The following INPP5D variants were observed in gnomAD, a reference collection of about 807,000 sequenced individuals.
INPP5D encodes the protein inositol polyphosphate-5-phosphatase D.
INPP5D carries 33 observed loss-of-function variants against 122.9 expected under a neutral mutation model. The ratio of observed to expected loss-of-function variants is 0.27; its 90% confidence interval spans 0.20 to 0.36. INPP5D has a LOEUF of 0.36. Among genes scored for constraint, INPP5D ranks in the 10% least tolerant of loss-of-function variants. INPP5D has a pLI of 1.00. For synonymous variants in INPP5D, 584 were observed against 576.2 expected (o/e 1.01, Z -0.19); for missense variants, 1,053 against 1,412.7 (o/e 0.75, Z 4.08).
At chr2:233,162,382 T>TATATATACATATGCTAA (rs1232758242) in intron 11 of INPP5D, among the ~76,000 whole-genome samples, 4 of 151,882 alleles carry the variant, frequency 2.6e-5, no homozygotes, top group African/African-American at 4.8e-5. Flanking sequence ...GAATATATAG[T>TATATATACATATGCTAA]ATATATACAT....
chr2:233,177,436 T>G lies in INPP5D; in HGVS notation c.2071+90T>G. Reference sequence around the variant, plus strand: ...CTGCCCTAAAATCTAAGGGCTTCAGTCTGTTGATGTGTCAAAGGGAGGAAT... The same window carrying G: ...CTGCCCTAAAATCTAAGGGCTTCAGGCTGTTGATGTGTCAAAGGGAGGAAT... On this transcript the variant is annotated intron_variant, in intron 18 of 26. Coordinates refer to ENST00000445964, the MANE Select transcript of INPP5D (RefSeq NM_001017915.3). This position sits in a 1 kb window ranked among gnomAD's most constrained non-coding sequence, Gnocchi z 4.2. 3.1e-6 allele frequency: 5 copies of G among 1,601,252 alleles called. No homozygotes were observed. The highest frequency in any genetic ancestry group is 4.3e-6 in the Non-Finnish European group (5 of 1,170,718).
rs1694668782 is a variant in INPP5D at position 233,177,440 on chromosome 2, T to C, written c.2071+94T>C. 4 of 1,598,324 alleles carry C rather than the reference T, an allele frequency of 2.5e-6. No homozygotes were observed. The highest frequency in any genetic ancestry group is 3.4e-6 in the Non-Finnish European group (4 of 1,168,902). ...CCTAAAATCTAAGGGCTTCAGTCTGTTGATGTGTCAAAGGGAGGAATTCAC... is the reference window on the plus strand; with the variant it reads ...CCTAAAATCTAAGGGCTTCAGTCTGCTGATGTGTCAAAGGGAGGAATTCAC... On this transcript the variant is annotated intron_variant, in intron 18 of 26. Coordinates refer to ENST00000445964, the MANE Select transcript of INPP5D (RefSeq NM_001017915.3). This position sits in a 1 kb window ranked among gnomAD's most constrained non-coding sequence, Gnocchi z 4.2.
chr2:233,077,157 C>G (rs1026742396), intron 1 of INPP5D, among the ~76,000 whole-genome samples: 2 of 151,972 alleles, frequency 1.3e-5, no homozygotes, highest in Admixed American at 1.3e-4. Flanking sequence ...TTTCAGAAAA[C>G]GGTATACATA....
In INPP5D at chr2:233,204,621, G is replaced by GGGCCGCGAC. The variant is rs762797938; in HGVS notation, c.3472_3480dup (p.Gly1158_Asp1160dup). The GGGCCGCGAC allele has an allele frequency of 6.3e-7, 1 of 1,578,906 alleles. No homozygotes were observed. Among genetic ancestry groups the GGGCCGCGAC allele is most frequent in the South Asian group, 1.2e-5 (1 of 86,594 alleles). On this transcript the variant is annotated inframe_insertion, in exon 26 of 27. Transcript: ENST00000445964. ...CGGTGCTGCACCTCCAGCACTCCAA[G>GGGCCGCGAC]GGCCGCGACTACCGCGACAACACCG... is the stretch of plus-strand genomic sequence containing the variant.
intron 1 of INPP5D, among the ~76,000 whole-genome samples, chr2:233,075,105 C>T (rs1691484714): frequency 6.6e-6 from 1 of 152,212 alleles, no homozygotes; most frequent in African/African-American, 2.4e-5. Context: ...CCTCCACACT[C>T]AGCACAGGGT....
At chr2:233,172,995 G>A (rs1694529952) in intron 17 of INPP5D, among the ~76,000 whole-genome samples, 1 of 152,204 alleles carries the variant, frequency 6.6e-6, no homozygotes, top group Non-Finnish European at 1.5e-5. Context: ...GATCACTTGA[G>A]GTTAGGAGTT....
chr2:233,143,352 G>A (rs1390845929), intron 6 of INPP5D, among the ~76,000 whole-genome samples: 1 of 152,188 alleles, frequency 6.6e-6, no homozygotes, highest in Non-Finnish European at 1.5e-5. Flanking sequence ...GAGAGCCGGT[G>A]GGGGGCGGGG....
At chr2:233,161,907 G>C in intron 11 of INPP5D, 81 bp downstream of exon 11, 1 of 1,523,320 alleles carries the variant, frequency 6.6e-7, no homozygotes, top group Non-Finnish European at 8.8e-7. Flanking sequence ...GTGGGGTGGA[G>C]TGACGACATC....
chr2:233,139,412 A>G (rs1031420583), intron 5 of INPP5D, among the ~76,000 whole-genome samples: 6 of 152,098 alleles, frequency 3.9e-5, no homozygotes, highest in African/African-American at 1.2e-4. Context: ...AATATTTAAA[A>G]TGCAGATTCT....
At chr2:233,187,460 T>G (rs934120757) in intron 21 of INPP5D, among the ~76,000 whole-genome samples, 3 of 152,136 alleles carry the variant, frequency 2.0e-5, no homozygotes, top group Admixed American at 1.3e-4. Context: ...AGGACAGTCT[T>G]AAGCAGGCAG....
chr2:233,151,410 G>T (rs1693921127), intron 9 of INPP5D, among the ~76,000 whole-genome samples: 1 of 152,050 alleles, frequency 6.6e-6, no homozygotes, highest in South Asian at 2.1e-4. Context: ...CACTCTCCGG[G>T]AATGTGCCCA....
At chr2:233,124,655 C>G (rs375094267) in intron 3 of INPP5D, among the ~76,000 whole-genome samples, 1 of 152,240 alleles carries the variant, frequency 6.6e-6, no homozygotes, top group African/African-American at 2.4e-5. Flanking sequence ...AGAAGCTGTT[C>G]TGCAGAAACG....
At chr2:233,072,039 A>T (rs1233970211) in intron 1 of INPP5D, among the ~76,000 whole-genome samples, 1 of 152,226 alleles carries the variant, frequency 6.6e-6, no homozygotes, top group Non-Finnish European at 1.5e-5. Context: ...TTTCTAAAAC[A>T]CTACAGTGGG....
Position 233,060,459 on chromosome 2 carries a change from C to G in INPP5D, c.-20C>G. ...TCCTGGGGGTGCCTGCCGGCCCGGC[C>G]GAGGAGGCCCACGCCCACCATGGTC... On this transcript the variant is annotated 5_prime_UTR_variant, in exon 1 of 27. Coordinates refer to ENST00000445964, the MANE Select transcript of INPP5D (RefSeq NM_001017915.3). The G allele has an allele frequency of 6.3e-7, 1 of 1,586,022 alleles. No individual in the cohort carries two copies. Among genetic ancestry groups the G allele is most frequent in the East Asian group, 2.3e-5 (1 of 43,550 alleles).
chr2:233,186,691 T>G (rs1478110457), intron 21 of INPP5D, among the ~76,000 whole-genome samples: 5 of 14,450 alleles, frequency 3.5e-4, no homozygotes, highest in African/African-American at 2.0e-3. Flanking sequence ...TTTCTTTTTT[T>G]TTTTTTTTTT....
chr2:233,106,738 C>T (rs529577525), intron 2 of INPP5D, among the ~76,000 whole-genome samples: 1 of 152,324 alleles, frequency 6.6e-6, no homozygotes, highest in African/African-American at 2.4e-5. Flanking sequence ...TCAGCTGTGA[C>T]TCTAGTGATC....
chr2:233,170,292 G>T lies in INPP5D; in HGVS notation c.1791+128G>T. 6.7e-7 allele frequency: 1 copy of T among 1,500,650 alleles called. No homozygotes were observed. Among genetic ancestry groups the T allele is most frequent in the Non-Finnish European group, 8.9e-7 (1 of 1,120,196 alleles). The allele number at this position is 1,500,650 out of a possible 1,614,324, so 93.0% of individuals were successfully genotyped here. ...GCTGAGGCGGCTGCTCCCCTTGGGGGCTCAACGCTGTTTCCATTACTGAGC... is the reference window on the plus strand; with the variant it reads ...GCTGAGGCGGCTGCTCCCCTTGGGGTCTCAACGCTGTTTCCATTACTGAGC... On this transcript the variant is annotated intron_variant, in intron 15 of 26. Coordinates refer to ENST00000445964, the MANE Select transcript of INPP5D (RefSeq NM_001017915.3). This position sits in a 1 kb window ranked among gnomAD's most constrained non-coding sequence, Gnocchi z 4.5.
chr2:233,170,051 C>T lies in INPP5D; in HGVS notation c.1678C>T (p.Leu560Phe), dbSNP rs1357588185. 2 of 1,613,928 alleles carry T rather than the reference C, an allele frequency of 1.2e-6. No individual in the cohort carries two copies. The highest frequency in any genetic ancestry group is 1.1e-5 in the South Asian group (1 of 91,090). ...GCGAAACCAAAACTATATGAACATTCTCCGGTTCCTGGCCCTGGGCGACAA... is the reference window on the plus strand; with the variant it reads ...GCGAAACCAAAACTATATGAACATTTTCCGGTTCCTGGCCCTGGGCGACAA... ...LRRNQNYMNILRFLALGDKKL... is the reference protein window; with the variant it reads ...LRRNQNYMNIFRFLALGDKKL... The change falls in exon 15 of 27, where the codon CTC (leucine) becomes TTC (phenylalanine). Residue 560 changes from leucine to phenylalanine, a missense_variant. Around this residue, in one of 6 missense-constraint regions of INPP5D, gnomAD observed 258 missense variants for 439.1 expected, o/e 0.59. Transcript: ENST00000445964. This position sits in a 1 kb window ranked among gnomAD's most constrained non-coding sequence, Gnocchi z 4.5.
At chr2:233,203,026 G>A (rs1045892667) in intron 25 of INPP5D, among the ~76,000 whole-genome samples, 1 of 152,192 alleles carries the variant, frequency 6.6e-6, no homozygotes, top group Non-Finnish European at 1.5e-5. Flanking sequence ...GACTTCATGT[G>A]GCTGGGAAGG....
Sources: gnomAD v4.1 joint callset for allele counts (sites outside exome capture counted in the v4.1 genomes callset) on GRCh38, gnomAD v4.1.1 for gene constraint, gnomAD v4.1.1 regional missense constraint, Gnocchi (gnomAD v3.1) non-coding constraint, MANE v1.5 for transcripts, NCBI Gene and HGNC (gene_info 2026-07-23, HGNC 2026-07-21) for gene names.